NR1I2: variants seen among roughly 807,000 people sequenced by gnomAD.
The protein encoded by NR1I2 is nuclear receptor subfamily 1 group I member 2.
NR1I2 carries 42 observed loss-of-function variants against 43.3 expected under a neutral mutation model. The observed-to-expected ratio is 0.97, with a 90% CI of 0.76 to 1.26. The LOEUF is 1.26. Ranked by LOEUF, NR1I2 falls within the 50% of genes most tolerant of loss-of-function variation. The probability of loss-of-function intolerance (pLI) is 0.00; values close to 1 mark genes in which losing one functional copy is unlikely to be tolerated. For missense variants in NR1I2, 559 were observed against 566.7 expected, an observed-to-expected ratio of 0.99 and a Z score of 0.14; for synonymous variants, 229 against 215.0, an observed-to-expected ratio of 1.06 and a Z score of -0.57.
chr3:119,809,875 G>A (rs1355401965), intron 2 of NR1I2, among the ~76,000 whole-genome samples, 186 bp from the exon 3 acceptor site: 4 of 152,154 alleles, frequency 2.6e-5, no homozygotes, highest in Non-Finnish European at 5.9e-5. Flanking sequence ...CTCTAGCTGA[G>A]TCCTGGACCT....
rs1316705485 is a variant in NR1I2, at chr3:119,818,443, G to A, written c.*1231G>A. 13 of 985,088 alleles carry A rather than the reference G, an allele frequency of 1.3e-5. No homozygotes were observed. The highest frequency in any genetic ancestry group is 1.4e-5 in the Non-Finnish European group (12 of 829,832). 61.0% of individuals were successfully genotyped at this position (985,088 alleles called of 1,614,324 possible). On this transcript the variant is annotated 3_prime_UTR_variant, in exon 9 of 9. Coordinates refer to ENST00000393716, the MANE Select transcript of NR1I2 (RefSeq NM_003889.4). The stretch of plus-strand genomic sequence containing the variant: ...TGGGAAATGTAGCCCTGGGTTTAAT[G>A]TCAAATCAAGGCAAAAGGAATTAAA...
intron 1 of NR1I2, among the ~76,000 whole-genome samples, chr3:119,798,639 CAAA>C (rs142013482): frequency 8.2e-6 from 1 of 121,632 alleles, no homozygotes; most frequent in African/African-American, 3.2e-5. Context: ...GACTCCGTCT[CAAA>C]AAAAAAAAAA....
intron 2 of NR1I2, among the ~76,000 whole-genome samples, chr3:119,808,059 C>T (rs62264686): frequency 0.067 from 10,215 of 152,256 alleles, 517 homozygotes; most frequent in East Asian, 0.14. Flanking sequence ...AATGAACATT[C>T]GTGTTGCATG....
intron 1 of NR1I2, chr3:119,782,600 C>T: frequency 1.6e-6 from 1 of 622,908 alleles, no homozygotes; most frequent in Non-Finnish European, 2.9e-6. Context: ...CACATACAAC[C>T]AGCTCCCTGT....
intron 1 of NR1I2, among the ~76,000 whole-genome samples, chr3:119,782,528 T>C (rs972804362): frequency 6.9e-5 from 10 of 144,480 alleles, no homozygotes; most frequent in Non-Finnish European, 1.5e-4. Context: ...GGTCCTGCAC[T>C]AGCCTCCTAG....
rs774388887 is a variant in NR1I2, at chr3:119,815,845, G to A, written c.1160+14G>A. The A allele has an allele frequency of 6.3e-7, 1 of 1,591,136 alleles. No individual in the cohort carries two copies. The highest frequency in any genetic ancestry group is 2.3e-5 in the East Asian group (1 of 44,064). On this transcript the variant is annotated intron_variant, in intron 8 of 8. Transcript: ENST00000393716. ...GCCTGCTCATAGGTGAGCACAGCAG[G>A]GGGTGAGGACCCGTGAGGGTGATGT...
intron 1 of NR1I2, among the ~76,000 whole-genome samples, chr3:119,804,442 AT>A (rs758279497): frequency 0.33 from 39,150 of 118,418 alleles, 4,935 homozygotes; most frequent in Admixed American, 0.4. Context: ...CATAGTTGGT[AT>A]TTTTTTTTTT....
rs756102563 is a variant in NR1I2 at position 119,811,700 on chromosome 3, A to G, written c.493A>G (p.Thr165Ala). 48 of 1,612,048 alleles carry G rather than the reference A, an allele frequency of 3.0e-5. No individual in the cohort carries two copies. Among genetic ancestry groups the G allele is most frequent in the Non-Finnish European group, 3.9e-5 (46 of 1,179,116 alleles). ...CGCTCAGATGAAAACCTTTGACACTACCTTCTCCCATTTCAAGAATTTCCG... is the reference window on the plus strand; with the variant it reads ...CGCTCAGATGAAAACCTTTGACACTGCCTTCTCCCATTTCAAGAATTTCCG... The change falls in exon 4 of 9, where the codon ACC becomes GCC. Residue 165 changes from threonine (T) to alanine (A), a missense_variant. Transcript: ENST00000393716.
intron 2 of NR1I2, among the ~76,000 whole-genome samples, chr3:119,809,534 A>G (rs921084133): frequency 3.5e-4 from 21 of 60,354 alleles, no homozygotes; most frequent in Non-Finnish European, 5.6e-4. Context: ...GAGCTGGAGA[A>G]GGCGGCGGGG....
Position 119,815,021 on chromosome 3 carries a change from C to T in NR1I2, c.837C>T (p.Ala279=), listed in dbSNP as rs528824312. The T allele has an allele frequency of 8.7e-6, 14 of 1,614,144 alleles. No homozygotes were observed. The highest frequency in any genetic ancestry group is 1.7e-4 in the Middle Eastern group (1 of 6,060). Residue 279 remains alanine, a synonymous_variant, in exon 6 of 9, where the codon GCC becomes GCT. Transcript: ENST00000393716. ...ACCAGATCTCCCTGCTGAAGGGGGC[C>T]GCTTTCGAGCTGTGTCAACTGAGAT...
chr3:119,789,760 G>A (rs1304641738), intron 1 of NR1I2, among the ~76,000 whole-genome samples: 8 of 152,082 alleles, frequency 5.3e-5, no homozygotes, highest in Non-Finnish European at 8.8e-5. Flanking sequence ...AGTGCACTGT[G>A]GCTGCCATGC....
At chr3:119,787,090 C>T (rs547509796) in intron 1 of NR1I2, among the ~76,000 whole-genome samples, 2 of 152,158 alleles carry the variant, frequency 1.3e-5, no homozygotes, top group East Asian at 3.9e-4. Context: ...GAGTTTAAGA[C>T]CAGCCTGGCC....
rs1352612823 is a variant in NR1I2 at position 119,799,841 on chromosome 3, G to A, written c.-22-7388G>A. Among the ~76,000 whole-genome samples the A allele has an allele frequency of 5.9e-5, 9 of 152,164 alleles. No homozygotes were observed. In the East Asian group the frequency reaches 9.7e-4, roughly 16 times the overall value. On this transcript the variant is annotated intron_variant, in intron 1 of 8. Transcript: ENST00000393716. ...CTAAAAATACAAAAATTAGCTGGGC[G>A]TGGTGGCAGGCACCTGTAATCCCAG...
chr3:119,782,733 G>A, intron 1 of NR1I2: 1 of 1,586,694 alleles, frequency 6.3e-7, no homozygotes, highest in Non-Finnish European at 8.7e-7. Context: ...AGTGCTGGCA[G>A]CCCCCTGAGG....
rs1202628633 is a variant in NR1I2 at position 119,811,819 on chromosome 3, G to C, written c.519+93G>C. ...CCCCAAGGATAAGAAACTTATACAA[G>C]GTCACAGCTAATCAGTGGTGGAGGG... is the stretch of plus-strand genomic sequence containing the variant. On this transcript the variant is annotated intron_variant, in intron 4 of 8. Transcript: ENST00000393716. 6.7e-6 allele frequency: 8 copies of C among 1,198,876 alleles called. No homozygotes were observed. The East Asian group carries it at 2.0e-4, about 30-fold the overall frequency. 74.3% of individuals were successfully genotyped at this position (1,198,876 alleles called of 1,614,324 possible).
intron 1 of NR1I2, among the ~76,000 whole-genome samples, chr3:119,806,459 T>A (rs1244568509): frequency 6.6e-6 from 1 of 152,116 alleles, no homozygotes; most frequent in Non-Finnish European, 1.5e-5. Flanking sequence ...TGTTTTTTTT[T>A]ATTTTTTGTA....
chr3:119,812,839 T>C lies in NR1I2; in HGVS notation c.673T>C (p.Tyr225His), dbSNP rs2055263837. Residue 225 changes from tyrosine to histidine, a missense_variant, in exon 5 of 9, where the codon TAC becomes CAC. Tyr to His is a moderately conservative substitution (Grantham distance 83). Transcript: ENST00000393716. ...GGGGGAGGATGGCAGTGTCTGGAACTACAAACCCCCAGCCGACAGTGGCGG... is the reference window on the plus strand; with the variant it reads ...GGGGGAGGATGGCAGTGTCTGGAACCACAAACCCCCAGCCGACAGTGGCGG... 2.5e-6 allele frequency: 4 copies of C among 1,614,094 alleles called. No individual in the cohort carries two copies. Among genetic ancestry groups the C allele is most frequent in the Non-Finnish European group, 3.4e-6 (4 of 1,180,048 alleles).
chr3:119,809,995 C>T, intron 2 of NR1I2, 66 bp from the exon 3 acceptor site: 1 of 1,606,366 alleles, frequency 6.2e-7, no homozygotes, highest in Non-Finnish European at 8.5e-7. Context: ...GTGGTATGGC[C>T]CGGAGCCCCA....
At chr3:119,797,023 A>T (rs968505639) in intron 1 of NR1I2, among the ~76,000 whole-genome samples, 1 of 152,286 alleles carries the variant, frequency 6.6e-6, no homozygotes, top group Middle Eastern at 3.4e-3. Flanking sequence ...AGGAGCAAAA[A>T]ACAAAGTCCT....
Sources: allele counts gnomAD v4.1 joint callset (sites outside exome capture counted in the v4.1 genomes callset), GRCh38; gene constraint gnomAD v4.1.1; transcripts MANE v1.5; gene names NCBI Gene and HGNC (gene_info 2026-07-23, HGNC 2026-07-21).